The following BICRAL variants were observed in gnomAD, a reference collection of about 807,000 sequenced individuals.
The protein encoded by BICRAL is BICRA like chromatin remodeling complex associated protein.
A neutral mutation model predicts 91.8 loss-of-function variants in BICRAL; 8 were observed. That is an observed-to-expected ratio of 0.09 (90% CI 0.05 to 0.16). The LOEUF is 0.16. Ranked by LOEUF, BICRAL falls within the 10% of genes least tolerant of loss-of-function variation. The pLI is 1.00. For missense variants in BICRAL, 1,038 were observed against 1,310.9 expected (o/e 0.79, Z 3.21); for synonymous variants, 445 against 491.1 (o/e 0.91, Z 1.24).
At chr6:42,803,916 T>C (rs1368652041) in intron 1 of BICRAL, among the ~76,000 whole-genome samples, 2 of 152,268 alleles carry the variant, frequency 1.3e-5, no homozygotes, top group East Asian at 1.9e-4. Context: ...TACTGAATAC[T>C]GTAGGCAACC....
intron 1 of BICRAL, among the ~76,000 whole-genome samples, chr6:42,763,312 G>C (rs545541958): frequency 1.3e-5 from 2 of 152,250 alleles, no homozygotes; most frequent in South Asian, 4.1e-4. Flanking sequence ...TCTGTCTCAG[G>C]TTCTTCAGGA....
chr6:42,865,288 C>G lies in BICRAL; in HGVS notation c.3082C>G (p.Pro1028Ala). The change falls in exon 13 of 13, where the codon CCC (proline) becomes GCC (alanine). Residue 1028 changes from proline (P) to alanine (A), a missense_variant. By Grantham distance (27) the Pro-to-Ala change is conservative. Transcript: ENST00000314073. ...GGCGGGACGGCAGCCCCAGAGTGAC[C>G]CCACGGTTAGCGGCTCTGTTGAGTT... ...KKAGRQPQSD[P>A]TVSGSVELDF... The G allele has an allele frequency of 1.2e-6, 2 of 1,614,094 alleles. No homozygotes were observed. Among genetic ancestry groups the G allele is most frequent in the Middle Eastern group, 1.6e-4 (1 of 6,062 alleles).
intron 1 of BICRAL, among the ~76,000 whole-genome samples, chr6:42,749,066 A>G (rs913787575): frequency 6.6e-6 from 1 of 152,194 alleles, no homozygotes. Flanking sequence ...TCTTGTAGAC[A>G]TCTTGAAAAA....
intron 1 of BICRAL, among the ~76,000 whole-genome samples, chr6:42,809,695 C>T (rs995807464): frequency 6.6e-6 from 1 of 151,946 alleles, no homozygotes. Context: ...AGGCTGGTCT[C>T]CAACTCCCGA....
At chr6:42,835,279 C>T (rs1764607431) in intron 6 of BICRAL, among the ~76,000 whole-genome samples, 1 of 152,102 alleles carries the variant, frequency 6.6e-6, no homozygotes, top group Non-Finnish European at 1.5e-5. Flanking sequence ...CAGGCGTGCG[C>T]CACCACAACT....
chr6:42,795,982 G>C (rs1382748918), intron 1 of BICRAL, among the ~76,000 whole-genome samples: 1 of 152,150 alleles, frequency 6.6e-6, no homozygotes, highest in Non-Finnish European at 1.5e-5. Flanking sequence ...TATGGTAAGT[G>C]CCAAATGATT....
At chr6:42,844,948 C>T (rs35231196) in intron 6 of BICRAL, among the ~76,000 whole-genome samples, 11 of 151,972 alleles carry the variant, frequency 7.2e-5, no homozygotes, top group Admixed American at 2.6e-4. Context: ...TTGTAGCTTT[C>T]GTGGTAGAAA....
intron 8 of BICRAL, among the ~76,000 whole-genome samples, chr6:42,854,251 T>C (rs1358302002): frequency 6.6e-6 from 1 of 152,242 alleles, no homozygotes. Context: ...CAGGCTGGCA[T>C]GCAGTAGTGC....
intron 1 of BICRAL, among the ~76,000 whole-genome samples, chr6:42,770,174 C>T (rs1029396207): frequency 6.6e-6 from 1 of 152,150 alleles, no homozygotes; most frequent in Non-Finnish European, 1.5e-5. Flanking sequence ...AACTCTTAGT[C>T]ATTCTTTAAA....
intron 10 of BICRAL, among the ~76,000 whole-genome samples, chr6:42,859,137 G>T (rs1401542206): frequency 6.6e-6 from 1 of 151,964 alleles, no homozygotes; most frequent in Non-Finnish European, 1.5e-5. Context: ...ACGCCTATAA[G>T]CCCAGCATTT....
chr6:42,862,988 G>T (rs1041574363), intron 12 of BICRAL, among the ~76,000 whole-genome samples: 1 of 151,262 alleles, frequency 6.6e-6, no homozygotes, highest in African/African-American at 2.4e-5. Context: ...CCACTCTTGT[G>T]TAACAGCAGT....
chr6:42,851,633 C>G (rs1481994640), intron 6 of BICRAL, among the ~76,000 whole-genome samples: 1 of 152,126 alleles, frequency 6.6e-6, no homozygotes, highest in African/African-American at 2.4e-5. Context: ...ATATCATCTA[C>G]ACAGCAAAAC....
intron 6 of BICRAL, among the ~76,000 whole-genome samples, chr6:42,835,242 C>A (rs1764606486): frequency 6.6e-6 from 1 of 152,118 alleles, no homozygotes; most frequent in Non-Finnish European, 1.5e-5. Flanking sequence ...TATTCGCCTG[C>A]CTCAGCCTCC....
At position 42,822,917 on chromosome 6, in the gene BICRAL, G is replaced by C. The variant is rs1403115464; in HGVS notation, c.91-18G>C. The C allele has an allele frequency of 1.3e-6, 2 of 1,588,020 alleles. No individual in the cohort carries two copies. The highest frequency in any genetic ancestry group is 2.2e-5 in the East Asian group (1 of 44,696). ...ACAGTTAAAGTAGTAACCACCTATT[G>C]AATTTGTATCTTTGCAGAGCAATGA... On this transcript the variant is annotated intron_variant, in intron 4 of 12. Transcript: ENST00000314073.
chr6:42,846,970 C>T (rs1223267869), intron 6 of BICRAL, among the ~76,000 whole-genome samples: 1 of 152,190 alleles, frequency 6.6e-6, no homozygotes, highest in Non-Finnish European at 1.5e-5. Context: ...AAGTTTTTTG[C>T]CATTAAATAT....
intron 1 of BICRAL, among the ~76,000 whole-genome samples, chr6:42,798,588 C>T (rs1324189485): frequency 6.6e-6 from 1 of 151,942 alleles, no homozygotes; most frequent in Non-Finnish European, 1.5e-5. Context: ...CCCAGCTACT[C>T]GGGAGGCTGA....
intron 2 of BICRAL, among the ~76,000 whole-genome samples, chr6:42,818,924 G>C (rs1764065791): frequency 6.6e-6 from 1 of 152,230 alleles, no homozygotes; most frequent in Non-Finnish European, 1.5e-5. Context: ...TTTAAGAGAG[G>C]TAGTCAGGTG....
intron 1 of BICRAL, among the ~76,000 whole-genome samples, chr6:42,768,749 C>G (rs1483398204): frequency 6.6e-6 from 1 of 152,104 alleles, no homozygotes; most frequent in Non-Finnish European, 1.5e-5. Context: ...TTACATGGGC[C>G]CCATTACCAC....
intron 1 of BICRAL, among the ~76,000 whole-genome samples, chr6:42,749,829 A>G (rs1339814554): frequency 6.7e-6 from 1 of 149,586 alleles, no homozygotes; most frequent in East Asian, 1.9e-4. Flanking sequence ...TAAATATTTC[A>G]CTATATACCT....
Sources: allele counts gnomAD v4.1 joint callset (sites outside exome capture counted in the v4.1 genomes callset), GRCh38; gene constraint gnomAD v4.1.1; transcripts MANE v1.5; gene names NCBI Gene and HGNC (gene_info 2026-07-23, HGNC 2026-07-21).